BCAT1: variants seen among roughly 807,000 people sequenced by gnomAD.
BCAT1 encodes branched-chain-amino-acid aminotransferase, cytosolic.
BCAT1 carries 48 observed loss-of-function variants against 52.4 expected under a neutral mutation model. That is an observed-to-expected ratio of 0.92 (90% CI 0.73 to 1.16). BCAT1 has a LOEUF of 1.16. Ranked by LOEUF, BCAT1 falls within the 50% of genes most tolerant of loss-of-function variation. The pLI, the probability that BCAT1 is intolerant of heterozygous loss-of-function variation, is 0.00. For missense variants in BCAT1, 451 were observed against 457.1 expected, an observed-to-expected ratio of 0.99 and a Z score of 0.12; for synonymous variants, 167 against 161.3, an observed-to-expected ratio of 1.04 and a Z score of -0.27.
chr12:24,902,896 G>A, intron 1 of BCAT1: 1 of 1,515,546 alleles, frequency 6.6e-7, no homozygotes, highest in Non-Finnish European at 8.8e-7. Flanking sequence ...GAGCTACCGA[G>A]ACCCGGGTTC....
intron 2 of BCAT1, among the ~76,000 whole-genome samples, chr12:24,896,278 C>T (rs988815269): frequency 2.0e-5 from 3 of 152,142 alleles, no homozygotes; most frequent in South Asian, 4.1e-4. Context: ...TTTTCTCTCC[C>T]GTTGTCCTCT....
intron 1 of BCAT1, among the ~76,000 whole-genome samples, chr12:24,934,985 ATTC>A (rs774391017): frequency 5.3e-5 from 8 of 152,176 alleles, no homozygotes; most frequent in Non-Finnish European, 7.3e-5. Flanking sequence ...GCTCCATAAC[ATTC>A]TTCTTCTTCT....
intron 10 of BCAT1, among the ~76,000 whole-genome samples, chr12:24,823,034 CT>C (rs5797104): frequency 0.58 from 81,804 of 141,358 alleles, 23,516 homozygotes; most frequent in East Asian, 0.67. Flanking sequence ...TTTGTTTTGA[CT>C]TTTTTTTTTT....
chr12:24,834,207 T>C (rs1940824878), intron 8 of BCAT1: 1 of 979,178 alleles, frequency 1.0e-6, no homozygotes, highest in Non-Finnish European at 1.2e-6. Context: ...TGAATGTATA[T>C]TTGGACTTTA....
At chr12:24,828,530 A>G (rs893223732) in intron 10 of BCAT1, among the ~76,000 whole-genome samples, 34 of 152,228 alleles carry the variant, frequency 2.2e-4, no homozygotes, top group African/African-American at 8.0e-4. Context: ...ATAAATGTTC[A>G]ATAATATAAT....
At chr12:24,921,339 C>CT (rs1165298741) in intron 1 of BCAT1, among the ~76,000 whole-genome samples, 1 of 152,140 alleles carries the variant, frequency 6.6e-6, no homozygotes, top group African/African-American at 2.4e-5. Context: ...GGGACACTGG[C>CT]TTTTTTTAGG....
intron 1 of BCAT1, among the ~76,000 whole-genome samples, chr12:24,941,715 A>G (rs1943851912): frequency 6.6e-6 from 1 of 152,194 alleles, no homozygotes; most frequent in South Asian, 2.1e-4. Flanking sequence ...CAGTCGAATT[A>G]AAGCATTGAT....
At chr12:24,897,401 C>T (rs1243007906) in intron 2 of BCAT1, among the ~76,000 whole-genome samples, 1 of 152,158 alleles carries the variant, frequency 6.6e-6, no homozygotes, top group Non-Finnish European at 1.5e-5. Context: ...AAATTTCTGA[C>T]AATTAAAGAT....
chr12:24,923,662 G>A (rs943646649), intron 1 of BCAT1, among the ~76,000 whole-genome samples: 3 of 151,984 alleles, frequency 2.0e-5, no homozygotes, highest in African/African-American at 7.3e-5. Context: ...CTCCCACCTC[G>A]GCTTCCCATA....
chr12:24,947,182 C>CA (rs1943944997), intron 1 of BCAT1, among the ~76,000 whole-genome samples: 2 of 150,234 alleles, frequency 1.3e-5, no homozygotes, highest in African/African-American at 4.9e-5. Flanking sequence ...CACACACACA[C>CA]ACACACACAC....
chr12:24,948,529 G>A (rs550538304), intron 1 of BCAT1, among the ~76,000 whole-genome samples: 43 of 152,294 alleles, frequency 2.8e-4, no homozygotes, highest in Non-Finnish European at 5.0e-4. Flanking sequence ...ACACGCTGCA[G>A]GAAAGCGCAT....
chr12:24,818,484 C>T (rs1305529989), intron 10 of BCAT1, among the ~76,000 whole-genome samples: 2 of 152,124 alleles, frequency 1.3e-5, no homozygotes, highest in Non-Finnish European at 2.9e-5. Flanking sequence ...CACCAGACAA[C>T]AAGTTAAAAA....
chr12:24,901,022 A>G (rs990048525), intron 2 of BCAT1, among the ~76,000 whole-genome samples: 4 of 152,278 alleles, frequency 2.6e-5, no homozygotes, highest in Non-Finnish European at 4.4e-5. Context: ...GAAAAATAAA[A>G]TAAAAATTCC....
chr12:24,869,528 C>G (rs1478023459), intron 5 of BCAT1, among the ~76,000 whole-genome samples: 1 of 152,168 alleles, frequency 6.6e-6, no homozygotes, highest in East Asian at 1.9e-4. Context: ...CCATCTTTAG[C>G]TAAACTAAGG....
intron 1 of BCAT1, chr12:24,902,339 G>A: frequency 8.2e-7 from 1 of 1,212,498 alleles, no homozygotes; most frequent in Non-Finnish European, 1.0e-6. Context: ...GGGGACGGGC[G>A]TGAACCATTT....
intron 5 of BCAT1, among the ~76,000 whole-genome samples, chr12:24,862,962 G>A (rs1256385727): frequency 1.3e-5 from 2 of 152,160 alleles, no homozygotes; most frequent in African/African-American, 4.8e-5. Flanking sequence ...ATTTGAAAAT[G>A]TATCACTGGG....
chr12:24,937,606 T>G (rs10842432), intron 1 of BCAT1, among the ~76,000 whole-genome samples: 151,936 of 152,238 alleles, frequency 1, 75,818 homozygotes, highest in Non-Finnish European at 1. Context: ...GCTCCTCCTG[T>G]GCTCAAGTGA....
intron 10 of BCAT1, among the ~76,000 whole-genome samples, chr12:24,829,605 CTTTT>C (rs552787870): frequency 5.0e-4 from 76 of 152,012 alleles, no homozygotes; most frequent in African/African-American, 1.8e-3. Flanking sequence ...TATTTTCTTT[CTTTT>C]TTTAAAACAT....
chr12:24,867,329 G>A (rs1391594243), intron 5 of BCAT1, among the ~76,000 whole-genome samples: 5 of 139,682 alleles, frequency 3.6e-5, no homozygotes, highest in African/African-American at 1.4e-4. Context: ...TTACAGACTC[G>A]AAAATATCTT....
Sources: allele counts gnomAD v4.1 joint callset (sites outside exome capture counted in the v4.1 genomes callset), GRCh38; gene constraint gnomAD v4.1.1; transcripts MANE v1.5; gene names NCBI Gene and HGNC (gene_info 2026-07-23, HGNC 2026-07-21).